The following KCNIP4 variants were observed in gnomAD, a reference collection of about 807,000 sequenced individuals.
KCNIP4 encodes the protein potassium voltage-gated channel interacting protein 4.
A neutral mutation model predicts 34.0 loss-of-function variants in KCNIP4; 12 were observed. That is an observed-to-expected ratio of 0.35 (90% CI 0.23 to 0.57). The LOEUF (loss-of-function observed/expected upper bound fraction) is 0.57, where lower values mean the gene tolerates loss of function less well. KCNIP4 is among the 20% of genes least tolerant of loss of function. The pLI, the probability that KCNIP4 is intolerant of heterozygous loss-of-function variation, is 0.83. For synonymous variants in KCNIP4, 124 were observed against 102.2 expected (o/e 1.21, Z -1.29); for missense variants, 238 against 311.7 (o/e 0.76, Z 1.78).
intron 1 of KCNIP4, among the ~76,000 whole-genome samples, chr4:20,922,929 G>C (rs376301075): frequency 6.6e-6 from 1 of 152,040 alleles, no homozygotes; most frequent in Admixed American, 6.6e-5. Flanking sequence ...TAAAAATACA[G>C]TTTTTTACAG....
Position 21,787,521 on chromosome 4 carries a change from A to G in KCNIP4, c.61+161050T>C, listed in dbSNP as rs1361891494. On this transcript the variant is annotated intron_variant, in intron 1 of 8. Coordinates refer to ENST00000382152, the MANE Select transcript of KCNIP4 (RefSeq NM_025221.6). ...TGCTCTTTGTCATTTATTTCTCACA[A>G]CAACCCCATGAAGAAGTTATTATTA... Among the ~76,000 whole-genome samples, 3 of 152,298 alleles carry G rather than the reference A, an allele frequency of 2.0e-5. No homozygotes were observed. In the East Asian group the frequency reaches 5.8e-4, roughly 29 times the overall value.
At chr4:20,742,807 T>A (rs1751462951) in intron 5 of KCNIP4, among the ~76,000 whole-genome samples, 3 of 152,130 alleles carry the variant, frequency 2.0e-5, no homozygotes, top group Admixed American at 2.0e-4. Context: ...ATTGTATATT[T>A]AGAAAACCCT....
At chr4:21,095,597 A>G (rs940998097) in intron 1 of KCNIP4, among the ~76,000 whole-genome samples, 17 of 151,368 alleles carry the variant, frequency 1.1e-4, no homozygotes, top group South Asian at 2.1e-4. Context: ...TAGAATATAA[A>G]CTACTATGCA....
rs201765644 is a variant in KCNIP4 at position 20,942,243 on chromosome 4, G to T, written c.62-59534C>A. 5.3e-5 allele frequency among the ~76,000 whole-genome samples: 8 copies of T among 152,270 alleles called. No individual in the cohort carries two copies. In the East Asian group the frequency reaches 1.4e-3, roughly 26 times the overall value. ...GTGAGTGTGAGGAGAAGAATTACATGGTGAGCACTGGATAATTTCCCCATC... is the reference window on the plus strand; with the variant it reads ...GTGAGTGTGAGGAGAAGAATTACATTGTGAGCACTGGATAATTTCCCCATC... On this transcript the variant is annotated intron_variant, in intron 1 of 8. Coordinates refer to ENST00000382152, the MANE Select transcript of KCNIP4 (RefSeq NM_025221.6).
chr4:21,694,146 A>C (rs1445138815), intron 1 of KCNIP4, among the ~76,000 whole-genome samples: 1 of 152,198 alleles, frequency 6.6e-6, no homozygotes, highest in Non-Finnish European at 1.5e-5. Flanking sequence ...CATCCTTCTC[A>C]ATGGGGCAGC....
intron 1 of KCNIP4, among the ~76,000 whole-genome samples, chr4:21,229,496 AAC>A (rs1305839613): frequency 1.3e-5 from 2 of 152,136 alleles, no homozygotes; most frequent in Non-Finnish European, 2.9e-5. Context: ...TTCATTTGCA[AAC>A]ACAGACGTTT....
At chr4:21,151,056 T>C (rs1368029433) in intron 1 of KCNIP4, among the ~76,000 whole-genome samples, 1 of 152,232 alleles carries the variant, frequency 6.6e-6, no homozygotes. Flanking sequence ...AGAAGATTTA[T>C]TTAAATAGTT....
rs73800233 is a variant in KCNIP4 at position 21,581,730 on chromosome 4, G to A, written c.61+366841C>T. On this transcript the variant is annotated intron_variant, in intron 1 of 8. Coordinates refer to ENST00000382152, the MANE Select transcript of KCNIP4 (RefSeq NM_025221.6). ...ATTTATATTATCACAGCTTGGTTCA[G>A]TCCCTCATCACTTCTCACTTGAAGA... Among the ~76,000 whole-genome samples the A allele has an allele frequency of 3.3e-3, 505 of 151,974 alleles. 4 individuals are homozygous for A. Among genetic ancestry groups the A allele is most frequent in the African/African-American group, 0.012 (490 of 41,518 alleles).
chr4:20,865,087 T>C (rs1036534167), intron 2 of KCNIP4, among the ~76,000 whole-genome samples: 1 of 152,112 alleles, frequency 6.6e-6, no homozygotes, highest in African/African-American at 2.4e-5. Flanking sequence ...GTATAAATAT[T>C]GTCACCCTGC....
intron 1 of KCNIP4, among the ~76,000 whole-genome samples, chr4:21,631,893 C>T (rs954212740): frequency 6.6e-6 from 1 of 152,250 alleles, no homozygotes; most frequent in Admixed American, 6.5e-5. Flanking sequence ...ATACATTACC[C>T]ACCATCTATT....
intron 1 of KCNIP4, among the ~76,000 whole-genome samples, chr4:21,043,944 C>T (rs527571948): frequency 1.1e-4 from 16 of 152,210 alleles, no homozygotes; most frequent in African/African-American, 3.6e-4. Context: ...TAAAAACTTA[C>T]AGCAAAATGC....
intron 4 of KCNIP4, among the ~76,000 whole-genome samples, chr4:20,757,936 C>T (rs962733382): frequency 6.6e-5 from 10 of 152,150 alleles, no homozygotes; most frequent in African/African-American, 2.4e-4. Context: ...ATCATGCCAG[C>T]ACTGTGCTCT....
chr4:21,893,488 T>C (rs1228023432), intron 1 of KCNIP4, among the ~76,000 whole-genome samples: 3 of 152,190 alleles, frequency 2.0e-5, no homozygotes, highest in Non-Finnish European at 4.4e-5. Flanking sequence ...GTAAAATGTA[T>C]AAAATCTTAA....
At chr4:21,703,700 C>G (rs1056186473) in intron 1 of KCNIP4, among the ~76,000 whole-genome samples, 2 of 151,974 alleles carry the variant, frequency 1.3e-5, no homozygotes, top group African/African-American at 2.4e-5. Flanking sequence ...ATATACAAGA[C>G]TTGTGTGCTG....
At position 21,869,612 on chromosome 4, in the gene KCNIP4, A is replaced by G. The variant is rs377749522; in HGVS notation, c.61+78959T>C. Among the ~76,000 whole-genome samples, 15 of 152,180 alleles carry G rather than the reference A, an allele frequency of 9.9e-5. No homozygotes were observed. In the East Asian group the frequency reaches 2.5e-3, roughly 26 times the overall value. ...TCCCTGTTCCTGTATTATGCAAAAC[A>G]ATTCTTTTCGTTCTCTCTTATGTTT... is the stretch of plus-strand genomic sequence containing the variant. On this transcript the variant is annotated intron_variant, in intron 1 of 8. Transcript: ENST00000382152.
At chr4:21,383,034 A>T (rs1463172601) in intron 1 of KCNIP4, among the ~76,000 whole-genome samples, 1 of 152,166 alleles carries the variant, frequency 6.6e-6, no homozygotes, top group African/African-American at 2.4e-5. Flanking sequence ...GCTCTAATCC[A>T]ATGTGACTTG....
At chr4:21,490,526 A>G (rs1732299645) in intron 1 of KCNIP4, among the ~76,000 whole-genome samples, 1 of 152,158 alleles carries the variant, frequency 6.6e-6, no homozygotes, top group African/African-American at 2.4e-5. Context: ...CCACCAACAA[A>G]AACACATTAC....
At chr4:21,031,493 T>TA in intron 1 of KCNIP4, among the ~76,000 whole-genome samples, 1 of 152,328 alleles carries the variant, frequency 6.6e-6, no homozygotes, top group East Asian at 1.9e-4. Context: ...TTCAGATTGG[T>TA]AAAACAAACA....
intron 1 of KCNIP4, among the ~76,000 whole-genome samples, chr4:21,370,841 A>G (rs1720327694): frequency 2.7e-5 from 1 of 37,430 alleles, no homozygotes; most frequent in African/African-American, 1.5e-4. Flanking sequence ...ATATATATAT[A>G]TATATATATA....
Sources: gnomAD v4.1 joint callset for allele counts (sites outside exome capture counted in the v4.1 genomes callset) on GRCh38, gnomAD v4.1.1 for gene constraint, MANE v1.5 for transcripts, NCBI Gene and HGNC (gene_info 2026-07-23, HGNC 2026-07-21) for gene names.